CPE: variants seen among roughly 807,000 people sequenced by gnomAD.
CPE encodes the protein carboxypeptidase E, also known as carbocypeptidase E.
In CPE, 17 loss-of-function variants were observed where a neutral mutation model predicts 53.5. The observed-to-expected ratio is 0.32, with a 90% CI of 0.22 to 0.48. The LOEUF is 0.48. Ranked by LOEUF, CPE falls within the 20% of genes least tolerant of loss-of-function variation. CPE has a pLI of 0.99. For synonymous variants in CPE, 226 were observed against 228.8 expected (o/e 0.99, Z 0.11); for missense variants, 524 against 614.7 (o/e 0.85, Z 1.56).
intron 1 of CPE, chr4:165,381,418 A>G (rs1730503772): frequency 6.9e-6 from 3 of 432,604 alleles, no homozygotes; most frequent in Non-Finnish European, 1.4e-5. Context: ...AAATGAATCC[A>G]TCAATAGCTG....
At chr4:165,394,160 C>T (rs1314191884) in intron 1 of CPE, among the ~76,000 whole-genome samples, 2 of 152,108 alleles carry the variant, frequency 1.3e-5, no homozygotes, top group African/African-American at 4.8e-5. Flanking sequence ...AGCAGATCTA[C>T]AGTGCTCCAT....
chr4:165,440,942 A>G (rs1208738461), intron 1 of CPE, among the ~76,000 whole-genome samples: 1 of 152,208 alleles, frequency 6.6e-6, no homozygotes, highest in Non-Finnish European at 1.5e-5. Flanking sequence ...TCTAATCTCA[A>G]TAATGAAAGT....
intron 5 of CPE, among the ~76,000 whole-genome samples, chr4:165,486,119 G>A (rs570101094): frequency 6.6e-6 from 1 of 152,262 alleles, no homozygotes; most frequent in African/African-American, 2.4e-5. Context: ...TGGGGTGCCA[G>A]CAGGAATTGG....
At chr4:165,392,538 T>A (rs937522332) in intron 1 of CPE, among the ~76,000 whole-genome samples, 1 of 145,794 alleles carries the variant, frequency 6.9e-6, no homozygotes, top group African/African-American at 2.5e-5. Context: ...TTATATTAAA[T>A]ATATATTTAT....
chr4:165,415,727 G>T (rs1330717714), intron 1 of CPE, among the ~76,000 whole-genome samples: 1 of 151,148 alleles, frequency 6.6e-6, no homozygotes, highest in East Asian at 1.9e-4. Context: ...ATATTTGTTT[G>T]TCTAGTACAT....
chr4:165,495,510 TTC>T (rs1190391840), intron 7 of CPE, 47 bp from the exon 8 acceptor site: 1 of 1,242,636 alleles, frequency 8.0e-7, no homozygotes, highest in Admixed American at 1.8e-5. Context: ...CATTGTGTAA[TTC>T]TGCATATTTC....
rs116185308 is a variant in CPE at position 165,471,192 on chromosome 4, G to T, written c.672+3337G>T. Among the ~76,000 whole-genome samples, 557 of 152,242 alleles carry T rather than the reference G, an allele frequency of 3.7e-3. 2 individuals are homozygous for T. Among genetic ancestry groups the T allele is most frequent in the African/African-American group, 0.012 (517 of 41,538 alleles). ...TGCCTGCTAAGACTTGTGTGGATGG[G>T]GTTACAAGCCAATTCCAATGTGTTC... On this transcript the variant is annotated intron_variant, in intron 3 of 8. Coordinates refer to ENST00000402744, the MANE Select transcript of CPE (RefSeq NM_001873.4).
chr4:165,444,918 T>C (rs1184452170), intron 1 of CPE, among the ~76,000 whole-genome samples: 1 of 151,600 alleles, frequency 6.6e-6, no homozygotes, highest in Non-Finnish European at 1.5e-5. Context: ...TTTTAACTTC[T>C]TCCATATGTA....
In CPE at chr4:165,403,095, T is replaced by C. The variant is rs556000512; in HGVS notation, c.307+23567T>C. On this transcript the variant is annotated intron_variant, in intron 1 of 8. Transcript: ENST00000402744. The stretch of plus-strand genomic sequence containing the variant: ...AAATTTGAACTCAGATTGAAAAAGT[T>C]AACACTGGGAATCAACTAGAAATTA... 1.1e-4 allele frequency among the ~76,000 whole-genome samples: 16 copies of C among 152,138 alleles called. No homozygotes were observed. In the East Asian group the frequency reaches 3.1e-3, roughly 29 times the overall value.
At chr4:165,386,453 C>T (rs1263181397) in intron 1 of CPE, 2 of 374,126 alleles carry the variant, frequency 5.3e-6, no homozygotes, top group East Asian at 1.1e-4. Flanking sequence ...AAAACAAAGC[C>T]ATGTTGGTCG....
chr4:165,483,318 T>C (rs1732453000), intron 4 of CPE, among the ~76,000 whole-genome samples: 1 of 152,188 alleles, frequency 6.6e-6, no homozygotes, highest in Non-Finnish European at 1.5e-5. Context: ...AAATACATGA[T>C]TTCATTCTTT....
rs567743347 is a variant in CPE, at chr4:165,447,795, T to A, written c.308-16595T>A. On this transcript the variant is annotated intron_variant, in intron 1 of 8. Transcript: ENST00000402744. The stretch of plus-strand genomic sequence containing the variant: ...AAGCCTTTTTGTATTTTAAAAATTT[T>A]TGTATTTTTCTACTTTTTAAATTCT... Among the ~76,000 whole-genome samples, 125 of 152,232 alleles carry A rather than the reference T, an allele frequency of 8.2e-4. 1 individual carries two copies. Among genetic ancestry groups the A allele is most frequent in the African/African-American group, 2.8e-3 (117 of 41,552 alleles).
chr4:165,481,307 G>A (rs989925046), intron 3 of CPE, among the ~76,000 whole-genome samples: 1 of 152,078 alleles, frequency 6.6e-6, no homozygotes, highest in African/African-American at 2.4e-5. Flanking sequence ...CAATACGAAT[G>A]TTGAAGTGCA....
At chr4:165,421,826 TG>T (rs1297544449) in intron 1 of CPE, among the ~76,000 whole-genome samples, 1 of 152,262 alleles carries the variant, frequency 6.6e-6, no homozygotes, top group Non-Finnish European at 1.5e-5. Context: ...CTAATGTTAA[TG>T]GTGCATAGCA....
chr4:165,425,117 A>G (rs72703630), intron 1 of CPE, among the ~76,000 whole-genome samples: 44,873 of 151,802 alleles, frequency 0.3, 6,725 homozygotes, highest in Middle Eastern at 0.39. Context: ...ACCTCAAGTG[A>G]TCTGCCTGCC....
chr4:165,423,816 T>C (rs1279849477), intron 1 of CPE, among the ~76,000 whole-genome samples: 5 of 116,986 alleles, frequency 4.3e-5, no homozygotes, highest in African/African-American at 1.3e-4. Flanking sequence ...ACAACAGTCC[T>C]CAGAGTGTGA....
intron 1 of CPE, among the ~76,000 whole-genome samples, chr4:165,430,143 A>G (rs1731384636): frequency 6.6e-6 from 1 of 152,224 alleles, no homozygotes; most frequent in Non-Finnish European, 1.5e-5. Flanking sequence ...AGCTGCAGAA[A>G]TCATATAGCC....
Position 165,412,362 on chromosome 4 carries a change from A to C in CPE, c.307+32834A>C, listed in dbSNP as rs1014253630. 2.6e-5 allele frequency among the ~76,000 whole-genome samples: 4 copies of C among 152,208 alleles called. No homozygotes were observed. The East Asian group carries it at 7.7e-4, about 29-fold the overall frequency. ...CCTTACAATTACGTAATCCTTTATAATTTTCAAATAAATACTAACATTAGT... is the reference window on the plus strand; with the variant it reads ...CCTTACAATTACGTAATCCTTTATACTTTTCAAATAAATACTAACATTAGT... On this transcript the variant is annotated intron_variant, in intron 1 of 8. Transcript: ENST00000402744.
intron 1 of CPE, among the ~76,000 whole-genome samples, chr4:165,430,276 T>C (rs11731695): frequency 0.3 from 44,843 of 151,982 alleles, 6,679 homozygotes; most frequent in Middle Eastern, 0.39. Context: ...TACAGGACCT[T>C]CTTGTTCTCT....
Sources: gnomAD v4.1 joint callset for allele counts (sites outside exome capture counted in the v4.1 genomes callset) on GRCh38, gnomAD v4.1.1 for gene constraint, MANE v1.5 for transcripts, NCBI Gene and HGNC (gene_info 2026-07-23, HGNC 2026-07-21) for gene names.